HSPB8: variants seen among roughly 807,000 people sequenced by gnomAD.
The protein encoded by HSPB8 is heat shock protein beta-8.
In HSPB8, 9 loss-of-function variants were observed where a neutral mutation model predicts 16.5. That is an observed-to-expected ratio of 0.55 (90% CI 0.33 to 0.95). The LOEUF is 0.95. HSPB8 is among the 40% of genes least tolerant of loss of function. The pLI is 0.03. For synonymous variants in HSPB8, 99 were observed against 94.8 expected, an observed-to-expected ratio of 1.04 and a Z score of -0.26; for missense variants, 238 against 251.2, an observed-to-expected ratio of 0.95 and a Z score of 0.35.
At chr12:119,191,834 G>C (rs928615917) in intron 2 of HSPB8, among the ~76,000 whole-genome samples, 1 of 152,156 alleles carries the variant, frequency 6.6e-6, no homozygotes, top group African/African-American at 2.4e-5. Context: ...TCTGAGTTTG[G>C]AGACCAGGAT....
chr12:119,184,350 A>G (rs66886955), intron 1 of HSPB8, among the ~76,000 whole-genome samples: 9,671 of 152,326 alleles, frequency 0.063, 413 homozygotes, highest in East Asian at 0.22. Context: ...GCGCTATATT[A>G]CTTGCTATTA....
chr12:119,189,427 C>T (rs1454464200), intron 2 of HSPB8, among the ~76,000 whole-genome samples: 1 of 151,812 alleles, frequency 6.6e-6, no homozygotes, highest in Non-Finnish European at 1.5e-5. Flanking sequence ...CAGGCTGGTG[C>T]TCAGCTGCTG....
chr12:119,179,040 C>T lies in HSPB8; in HGVS notation c.-273C>T. On this transcript the variant is annotated 5_prime_UTR_variant, in exon 1 of 3. The change creates a new upstream start codon in the 5' untranslated region. Coordinates refer to ENST00000281938, the MANE Select transcript of HSPB8 (RefSeq NM_014365.3). ...GGGCAGCCTGGGAAGCCTGGGAGGA[C>T]GGTGGCTTGCCGGTCTGTCGTGAGG... is the stretch of plus-strand genomic sequence containing the variant. 3.7e-6 allele frequency: 2 copies of T among 533,582 alleles called. No homozygotes were observed. 33.1% of individuals were successfully genotyped at this position (533,582 alleles called of 1,614,324 possible).
chr12:119,192,892 A>G (rs1173829692), intron 2 of HSPB8, among the ~76,000 whole-genome samples: 1 of 152,166 alleles, frequency 6.6e-6, no homozygotes, highest in Non-Finnish European at 1.5e-5. Flanking sequence ...CAAGCAAAAA[A>G]TCTTATAAAA....
intron 2 of HSPB8, among the ~76,000 whole-genome samples, chr12:119,192,338 G>C (rs1343805776): frequency 6.6e-6 from 1 of 152,046 alleles, no homozygotes; most frequent in South Asian, 2.1e-4. Flanking sequence ...CTCCAACCAA[G>C]TATTGTCTAT....
Position 119,193,911 on chromosome 12 carries a change from A to G in HSPB8, c.*53A>G. 1 of 1,579,114 alleles carries G rather than the reference A, an allele frequency of 6.3e-7. No homozygotes were observed. Among genetic ancestry groups the G allele is most frequent in the Non-Finnish European group, 8.7e-7 (1 of 1,149,034 alleles). ...TGTCCCCAACCCTAGGGCTTCTCTGATTCCAGGATACATTACTTTAGCTGA... is the reference window on the plus strand; with the variant it reads ...TGTCCCCAACCCTAGGGCTTCTCTGGTTCCAGGATACATTACTTTAGCTGA... On this transcript the variant is annotated 3_prime_UTR_variant, in exon 3 of 3. Coordinates refer to ENST00000281938, the MANE Select transcript of HSPB8 (RefSeq NM_014365.3).
chr12:119,193,707 C>T lies in HSPB8; in HGVS notation c.440C>T (p.Ala147Val). 6.2e-7 allele frequency: 1 copy of T among 1,614,140 alleles called. No individual in the cohort carries two copies. Among genetic ancestry groups the T allele is most frequent in the Non-Finnish European group, 8.5e-7 (1 of 1,179,968 alleles). Residue 147 changes from alanine (A) to valine (V), a missense_variant, in exon 3 of 3, where the codon GCA becomes GTA. By Grantham distance (64) the Ala-to-Val change is moderately conservative (BLOSUM62 0). Transcript: ENST00000281938. The stretch of plus-strand genomic sequence containing the variant: ...TCGTGTGTTTCTCCTAGGCTTCCTG[C>T]AGAGGTGGATCCTGTGACAGTATTT... ...KNFTKKIQLP[A>V]EVDPVTVFAS...
intron 1 of HSPB8, among the ~76,000 whole-genome samples, chr12:119,180,645 A>G (rs1954630800): frequency 6.6e-6 from 1 of 152,158 alleles, no homozygotes; most frequent in African/African-American, 2.4e-5. Flanking sequence ...AGAAATAAAC[A>G]TACTAGGGGG....
intron 1 of HSPB8, among the ~76,000 whole-genome samples, chr12:119,182,374 C>T (rs1017289607): frequency 1.3e-5 from 2 of 152,154 alleles, no homozygotes; most frequent in Admixed American, 6.5e-5. Flanking sequence ...TGCGGTGGCT[C>T]ATGCCTGTAA....
At chr12:119,185,666 G>A (rs1746762798) in intron 1 of HSPB8, among the ~76,000 whole-genome samples, 1 of 151,062 alleles carries the variant, frequency 6.6e-6, no homozygotes, top group Non-Finnish European at 1.5e-5. Flanking sequence ...TAGAAACAGT[G>A]CCTCTCTATG....
intron 1 of HSPB8, 190 bp from the exon 2 acceptor site, chr12:119,186,835 C>T (rs906098910): frequency 6.4e-6 from 4 of 628,764 alleles, no homozygotes; most frequent in Non-Finnish European, 1.1e-5. Context: ...TCATAGCCAG[C>T]CTTGGAAGTG....
At chr12:119,189,425 T>C (rs1388993066) in intron 2 of HSPB8, among the ~76,000 whole-genome samples, 2 of 151,786 alleles carry the variant, frequency 1.3e-5, no homozygotes, top group Admixed American at 6.6e-5. Context: ...TCCAGGCTGG[T>C]GCTCAGCTGC....
chr12:119,185,551 C>T (rs536046732), intron 1 of HSPB8, among the ~76,000 whole-genome samples: 2 of 152,240 alleles, frequency 1.3e-5, no homozygotes, highest in South Asian at 4.2e-4. Context: ...CCAGGAAGGT[C>T]TCGATCTCTT....
chr12:119,186,171 A>ATTTC (rs1439034517), intron 1 of HSPB8, among the ~76,000 whole-genome samples: 1 of 152,204 alleles, frequency 6.6e-6, no homozygotes, highest in Admixed American at 6.5e-5. Context: ...TCTTCTTGTA[A>ATTTC]TTTCATCTTT....
chr12:119,187,996 G>A (rs1954687459), intron 2 of HSPB8, among the ~76,000 whole-genome samples: 1 of 152,146 alleles, frequency 6.6e-6, no homozygotes. Flanking sequence ...AGGGATTCAT[G>A]TTTAACAGGG....
chr12:119,187,538 A>C (rs1565929208), intron 2 of HSPB8, among the ~76,000 whole-genome samples: 1 of 151,978 alleles, frequency 6.6e-6, no homozygotes, highest in Non-Finnish European at 1.5e-5. Context: ...GTATTTGTTT[A>C]GTAGAGATGG....
At chr12:119,185,001 T>C (rs553554024) in intron 1 of HSPB8, among the ~76,000 whole-genome samples, 93 of 152,318 alleles carry the variant, frequency 6.1e-4, no homozygotes, top group African/African-American at 2.0e-3. Flanking sequence ...TTTGATAGAA[T>C]ACTGATATAC....
rs76249411 is a variant in HSPB8 at position 119,187,243 on chromosome 12, A to G, written c.431+155A>G. Among the ~76,000 whole-genome samples the G allele has an allele frequency of 0.028, 4,254 of 152,242 alleles. 202 individuals are homozygous for G. The highest frequency in any genetic ancestry group is 0.097 in the African/African-American group (4,031 of 41,530). On this transcript the variant is annotated intron_variant, in intron 2 of 2. Coordinates refer to ENST00000281938, the MANE Select transcript of HSPB8 (RefSeq NM_014365.3). ...CCCTCACACCTAACGAGGAGAAAAT[A>G]TCCCAGCAGACCTGTAATAGGGTCC...
At chr12:119,184,341 C>T (rs369063523) in intron 1 of HSPB8, among the ~76,000 whole-genome samples, 3 of 152,180 alleles carry the variant, frequency 2.0e-5, no homozygotes, top group Non-Finnish European at 4.4e-5. Flanking sequence ...ACCAAGGAAG[C>T]GCTATATTAC....
Sources: allele counts gnomAD v4.1 joint callset (sites outside exome capture counted in the v4.1 genomes callset), GRCh38; gene constraint gnomAD v4.1.1; transcripts MANE v1.5; gene names NCBI Gene and HGNC (gene_info 2026-07-23, HGNC 2026-07-21).